Variants in HGS observed in about 807,000 individuals in gnomAD.
HGS encodes hepatocyte growth factor-regulated tyrosine kinase substrate.
A neutral mutation model predicts 109.7 loss-of-function variants in HGS; 63 were observed. The observed-to-expected ratio is 0.57, with a 90% CI of 0.47 to 0.71. HGS has a LOEUF of 0.71. HGS is among the 30% of genes least tolerant of loss of function. HGS has a pLI of 0.00. For synonymous variants in HGS, 546 were observed against 437.3 expected (o/e 1.25, Z -3.10); for missense variants, 995 against 1,068.3 (o/e 0.93, Z 0.96).
intron 6 of HGS, 185 bp from the exon 7 acceptor site, chr17:81,690,488 TC>T (rs1322105821): frequency 1.3e-5 from 8 of 616,456 alleles, no homozygotes; most frequent in Non-Finnish European, 2.2e-5. Flanking sequence ...AGGAAGGAAG[TC>T]CCTTCCTCAG....
At chr17:81,699,540 C>T (rs1280108678) in intron 18 of HGS, among the ~76,000 whole-genome samples, 1 of 152,236 alleles carries the variant, frequency 6.6e-6, no homozygotes, top group Non-Finnish European at 1.5e-5. Context: ...ATTCTCCTGC[C>T]TCAGCCTCCT....
At chr17:81,701,347 T>A in intron 21 of HGS, 161 bp from the exon 22 acceptor site, 1 of 885,586 alleles carries the variant, frequency 1.1e-6, no homozygotes, top group African/African-American at 1.7e-5. Flanking sequence ...AACCGTGAAT[T>A]TACTTGAAAG....
At chr17:81,684,307 A>G (rs2036934590) in intron 1 of HGS, 7 of 403,832 alleles carry the variant, frequency 1.7e-5, no homozygotes, top group African/African-American at 8.3e-5. Context: ...GGCGTTGGCA[A>G]ATGGGGCTCT....
intron 6 of HGS, 119 bp from the exon 7 acceptor site, chr17:81,690,555 C>A: frequency 2.0e-6 from 2 of 1,005,280 alleles, no homozygotes; most frequent in Non-Finnish European, 2.9e-6. Flanking sequence ...CGGGGCATTG[C>A]TCTCGCTCGT....
intron 5 of HGS, among the ~76,000 whole-genome samples, chr17:81,689,684 G>C (rs1183792713): frequency 6.6e-6 from 1 of 152,216 alleles, no homozygotes. Context: ...CAGGACCAGT[G>C]TGGAGAACAC....
chr17:81,695,020 G>T lies in HGS; in HGVS notation c.1072G>T (p.Ala358Ser). The T allele has an allele frequency of 6.2e-7, 1 of 1,614,066 alleles. No homozygotes were observed. The change falls in exon 13 of 22, where the codon GCT becomes TCT. Residue 358 changes from alanine (A) to serine (S), a missense_variant. Physicochemically the swap from Ala to Ser is moderately conservative, Grantham distance 99 (BLOSUM62 1). This residue lies in a region of HGS where 300 missense variants were observed against 235.4 expected (regional missense o/e 1.27). Transcript: ENST00000329138. Reference sequence around the variant, plus strand: ...TGCGCCCGTGCCCCTGACGGAGCCGGCTGCACAGCCTGGGGAAGGGCACGC... The same window carrying T: ...TGCGCCCGTGCCCCTGACGGAGCCGTCTGCACAGCCTGGGGAAGGGCACGC... ...PSAPVPLTEP[A>S]AQPGEGHAAP...
Position 81,686,941 on chromosome 17 carries a change from G to A in HGS, c.199-62G>A, listed in dbSNP as rs933718046. 15 of 1,385,256 alleles carry A rather than the reference G, an allele frequency of 1.1e-5. No individual in the cohort carries two copies. The African/African-American group carries it at 1.6e-4, about 14-fold the overall frequency. The allele number at this position is 1,385,256 out of a possible 1,614,324, so 85.8% of individuals were successfully genotyped here. On this transcript the variant is annotated intron_variant, in intron 3 of 21. Coordinates refer to ENST00000329138, the MANE Select transcript of HGS (RefSeq NM_004712.5). Reference sequence around the variant, plus strand: ...GTCCCACAGGGAGGTGGGTCTGTCCGGGAGGAGGAGGGGCCCTGCCCTGAC... The same window carrying A: ...GTCCCACAGGGAGGTGGGTCTGTCCAGGAGGAGGAGGGGCCCTGCCCTGAC...
chr17:81,695,821 C>G lies in HGS; in HGVS notation c.1215C>G (p.His405Gln). Residue 405 changes from histidine to glutamine, a missense_variant, in exon 15 of 22, where the codon CAC (histidine) becomes CAG (glutamine). Physicochemically the swap from His to Gln is conservative, Grantham distance 24. This residue lies in a region of HGS where 300 missense variants were observed against 235.4 expected (regional missense o/e 1.27). Coordinates refer to ENST00000329138, the MANE Select transcript of HGS (RefSeq NM_004712.5). ...QFHNGESEESHEQFLKALQNA... is the reference protein window; with the variant it reads ...QFHNGESEESQEQFLKALQNA... ...ACAATGGCGAGTCTGAGGAGAGCCA[C>G]GAGCAGTTCCTGAAGGCGCTGCAGA... 6.2e-7 allele frequency: 1 copy of G among 1,613,516 alleles called. No homozygotes were observed. Among genetic ancestry groups the G allele is most frequent in the South Asian group, 1.1e-5 (1 of 91,084 alleles).
At chr17:81,693,787 G>T (rs1429271927) in intron 10 of HGS, 35 bp downstream of exon 10, 5 of 1,543,206 alleles carry the variant, frequency 3.2e-6, no homozygotes, top group Non-Finnish European at 3.5e-6. Context: ...CTCAGGAGGG[G>T]CCCAGCTCCC....
intron 11 of HGS, among the ~76,000 whole-genome samples, chr17:81,694,468 T>G (rs1013153356): frequency 3.9e-5 from 6 of 152,196 alleles, no homozygotes; most frequent in African/African-American, 1.2e-4. Context: ...ACCCCTTCCC[T>G]TCTTCCCTTC....
chr17:81,700,151 G>A (rs1598751465), intron 18 of HGS, among the ~76,000 whole-genome samples: 1 of 151,974 alleles, frequency 6.6e-6, no homozygotes, highest in African/African-American at 2.4e-5. Context: ...CGGATCACAA[G>A]GTCAGGAGAT....
At chr17:81,684,185 C>G in intron 1 of HGS, 82 bp downstream of exon 1, 1 of 1,258,930 alleles carries the variant, frequency 7.9e-7, no homozygotes, top group Non-Finnish European at 1.0e-6. Flanking sequence ...CCCCGAGGGC[C>G]CGAGGGGCGC....
chr17:81,690,754 C>G lies in HGS; in HGVS notation c.537+12C>G. ...TGATGACCCGTAAGGTGAGTTCCCACCTGGGGGGCTCTACAGCCCCGGCCA... is the reference window on the plus strand; with the variant it reads ...TGATGACCCGTAAGGTGAGTTCCCAGCTGGGGGGCTCTACAGCCCCGGCCA... On this transcript the variant is annotated intron_variant, in intron 7 of 21. Transcript: ENST00000329138. 1 of 1,610,626 alleles carries G rather than the reference C, an allele frequency of 6.2e-7. No homozygotes were observed.
chr17:81,691,346 T>G lies in HGS; in HGVS notation c.538-101T>G. 1 of 1,467,006 alleles carries G rather than the reference T, an allele frequency of 6.8e-7. No homozygotes were observed. The highest frequency in any genetic ancestry group is 9.4e-7 in the Non-Finnish European group (1 of 1,068,282). The allele number at this position is 1,467,006 out of a possible 1,614,324, so 90.9% of individuals were successfully genotyped here. On this transcript the variant is annotated intron_variant, in intron 7 of 21. Transcript: ENST00000329138. This position sits in a 1 kb window ranked among gnomAD's most constrained non-coding sequence, Gnocchi z 5.3. ...TGCTTGTCCCTTGCCTTCCCCCACCTGTGAGGCCCAGCTTCGGCATCGTAC... is the reference window on the plus strand; with the variant it reads ...TGCTTGTCCCTTGCCTTCCCCCACCGGTGAGGCCCAGCTTCGGCATCGTAC...
chr17:81,689,384 G>C (rs1425834694), intron 5 of HGS, among the ~76,000 whole-genome samples: 2 of 152,230 alleles, frequency 1.3e-5, no homozygotes, highest in East Asian at 3.9e-4. Flanking sequence ...CTAGGTCGTG[G>C]CTGCCAAGGT....
At chr17:81,684,548 C>T (rs1038654759) in intron 1 of HGS, 3 of 164,024 alleles carry the variant, frequency 1.8e-5, no homozygotes, top group African/African-American at 4.8e-5. Flanking sequence ...GACCTTCGAG[C>T]TCTCTTGGGG....
rs766685136 is a variant in HGS at position 81,694,978 on chromosome 17, A to G, written c.1030A>G (p.Lys344Glu). The change falls in exon 13 of 22, where the codon AAG becomes GAG. Residue 344 changes from lysine (K) to glutamate (E), a missense_variant. By Grantham distance (56) the Lys-to-Glu change is moderately conservative. Transcript: ENST00000329138. The stretch of plus-strand genomic sequence containing the variant: ...GGAGAAGAAGCAGGAGGAGGCTCGC[A>G]AGAGCCCCACGCCATCTGCGCCCGT... ...YWEKKQEEAR[K>E]SPTPSAPVPL... The G allele has an allele frequency of 1.2e-6, 2 of 1,614,132 alleles. No individual in the cohort carries two copies. The highest frequency in any genetic ancestry group is 1.1e-5 in the South Asian group (1 of 91,090).
rs1195893393 is a variant in HGS at position 81,690,736 on chromosome 17, C to T, written c.531C>T (p.Thr177=). The change falls in exon 7 of 22, where the codon ACC becomes ACT. Residue 177 remains threonine, a synonymous_variant. Coordinates refer to ENST00000329138, the MANE Select transcript of HGS (RefSeq NM_004712.5). ...GCAGGGTGCAGTTCGGGGTGATGAC[C>T]CGTAAGGTGAGTTCCCACCTGGGGG... ...HRCRVQFGVM[T]RKHHCRACGQ... 6.2e-7 allele frequency: 1 copy of T among 1,612,736 alleles called. No individual in the cohort carries two copies. The highest frequency in any genetic ancestry group is 8.5e-7 in the Non-Finnish European group (1 of 1,179,598).
At chr17:81,695,482 C>G (rs2037131573) in intron 14 of HGS, among the ~76,000 whole-genome samples, 1 of 152,220 alleles carries the variant, frequency 6.6e-6, no homozygotes, top group African/African-American at 2.4e-5. Context: ...AGCCTAGAAC[C>G]ATCAGATGAG....
Sources: gnomAD v4.1 joint callset for allele counts (sites outside exome capture counted in the v4.1 genomes callset) on GRCh38, gnomAD v4.1.1 for gene constraint, gnomAD v4.1.1 regional missense constraint, Gnocchi (gnomAD v3.1) non-coding constraint, MANE v1.5 for transcripts, NCBI Gene and HGNC (gene_info 2026-07-23, HGNC 2026-07-21) for gene names.